Variants in VPS13A observed in about 807,000 individuals in gnomAD.
VPS13A encodes the protein vacuolar protein sorting 13 homolog A, also known as intermembrane lipid transfer protein VPS13A.
In VPS13A, 264 loss-of-function variants were observed where a neutral mutation model predicts 390.9. That is an observed-to-expected ratio of 0.68 (90% confidence interval 0.61 to 0.75). The LOEUF (loss-of-function observed/expected upper bound fraction) is 0.75. Among genes scored for constraint, VPS13A ranks in the 30% least tolerant of loss-of-function variants. VPS13A has a pLI of 0.00. For missense variants in VPS13A, 3,409 were observed against 3,733.9 expected (o/e 0.91, Z 2.27); for synonymous variants, 1,231 against 1,227.1 (o/e 1.00, Z -0.07).
At position 77,321,587 on chromosome 9, in the gene VPS13A, T is replaced by G. The variant is rs1050899213; in HGVS notation, c.5671T>G (p.Ser1891Ala). The change falls in exon 44 of 72, where the codon TCG becomes GCG. Residue 1891 changes from serine to alanine, a missense_variant. Physicochemically the swap from Ser to Ala is moderately conservative, Grantham distance 99 (BLOSUM62 1). Around this residue, in one of 5 missense-constraint regions of VPS13A, gnomAD observed 2,717 missense variants for 2,917.4 expected, o/e 0.93. Transcript: ENST00000360280. ...TTCCCTTGGACTTACTATTTCTGTT[T>G]CGCCAAGTGATTCTTTTAGTGTACT... ...LNSLGLTISVSPSDSFSVLNI... is the reference protein window; with the variant it reads ...LNSLGLTISVAPSDSFSVLNI... The G allele has an allele frequency of 1.2e-6, 2 of 1,613,370 alleles. No homozygotes were observed. Among genetic ancestry groups the G allele is most frequent in the African/African-American group, 1.3e-5 (1 of 74,892 alleles).
intron 17 of VPS13A, among the ~76,000 whole-genome samples, chr9:77,231,812 A>G (rs1408807335): frequency 6.6e-6 from 1 of 152,148 alleles, no homozygotes; most frequent in Non-Finnish European, 1.5e-5. Flanking sequence ...GTCTTATCTC[A>G]GAAGGTTCAC....
chr9:77,394,022 C>G (rs866678511), intron 68 of VPS13A, among the ~76,000 whole-genome samples: 1 of 151,910 alleles, frequency 6.6e-6, no homozygotes, highest in African/African-American at 2.4e-5. Flanking sequence ...CCCACCTCGG[C>G]GTCCCAAAGT....
chr9:77,403,246 A>T lies in VPS13A; in HGVS notation c.9200A>T (p.Asn3067Ile). The T allele has an allele frequency of 6.2e-7, 1 of 1,611,850 alleles. No individual in the cohort carries two copies. Among genetic ancestry groups the T allele is most frequent in the Non-Finnish European group, 8.5e-7 (1 of 1,179,148 alleles). The change falls in exon 69 of 72, where the codon AAT becomes ATT. Residue 3067 changes from asparagine (N) to isoleucine (I), a missense_variant. Transcript: ENST00000360280. ...ACTTTTTTCTTTTAGGTCATGGAAA[A>T]TGGAAGATTTGCAAAATACAAATAT... is the stretch of plus-strand genomic sequence containing the variant. ...TGNQMLQVME[N>I]GRFAKYKYFT...
chr9:77,280,430 C>T (rs1429605477), intron 27 of VPS13A, among the ~76,000 whole-genome samples, 192 bp downstream of exon 27: 3 of 151,716 alleles, frequency 2.0e-5, no homozygotes, highest in South Asian at 2.1e-4. Flanking sequence ...CTTCATATAG[C>T]AAAATAAGAA....
In VPS13A at chr9:77,306,401, A is replaced by AGAGAGAGTGTGTGTGT. The variant is rs550279922; in HGVS notation, c.3961-1543_3961-1542insAGAGAGTGTGTGTGTG. ...GGGTTCTCCAGAGAGAGAGAGAGAG[A>AGAGAGAGTGTGTGTGT]GTGTGTGTGTGTTTGTGTGTGTGTG... On this transcript the variant is annotated intron_variant, in intron 34 of 71. Transcript: ENST00000360280. Among the ~76,000 whole-genome samples the AGAGAGAGTGTGTGTGT allele has an allele frequency of 1.4e-3, 149 of 107,778 alleles. 1 individual carries two copies. The highest frequency in any genetic ancestry group is 5.0e-3 in the African/African-American group (143 of 28,636). The allele number at this position is 107,778 out of a possible 152,430, so 70.7% of individuals were successfully genotyped here. A position where few individuals can be genotyped will look rare whatever the true frequency, so the allele number is the denominator to read the frequency against.
intron 71 of VPS13A, among the ~76,000 whole-genome samples, chr9:77,415,333 C>G (rs1835129504): frequency 1.3e-5 from 2 of 152,154 alleles, no homozygotes; most frequent in Admixed American, 1.3e-4. Flanking sequence ...TAGGGCTATT[C>G]TTACTAGGCT....
intron 41 of VPS13A, among the ~76,000 whole-genome samples, 199 bp from the exon 42 acceptor site, chr9:77,319,373 G>T (rs1032599840): frequency 6.6e-6 from 1 of 151,896 alleles, no homozygotes; most frequent in Non-Finnish European, 1.5e-5. Flanking sequence ...CTTAAAAAGG[G>T]GTTTTATCTG....
At chr9:77,313,880 A>C in intron 35 of VPS13A, 112 bp from the exon 36 acceptor site, 2 of 1,167,246 alleles carry the variant, frequency 1.7e-6, no homozygotes. Flanking sequence ...ATTTTCTTGA[A>C]TGTCATTTTA....
At chr9:77,207,571 GT>G (rs986807605) in intron 5 of VPS13A, among the ~76,000 whole-genome samples, 14 of 151,828 alleles carry the variant, frequency 9.2e-5, no homozygotes, top group African/African-American at 3.4e-4. Flanking sequence ...AAGTATGACT[GT>G]TTATTTTGTA....
At chr9:77,310,951 A>T (rs188872354) in intron 35 of VPS13A, among the ~76,000 whole-genome samples, 3,454 of 151,238 alleles carry the variant, frequency 0.023, 106 homozygotes, top group East Asian at 0.12. Flanking sequence ...TTTGAGACAG[A>T]GTCTCGCTAT....
At chr9:77,258,043 A>T (rs935332972) in intron 22 of VPS13A, among the ~76,000 whole-genome samples, 8 of 152,216 alleles carry the variant, frequency 5.3e-5, no homozygotes, top group African/African-American at 1.9e-4. Context: ...TGTTAGCTGA[A>T]GCTATGTGCC....
intron 68 of VPS13A, among the ~76,000 whole-genome samples, chr9:77,399,193 A>AT (rs1834262923): frequency 1.4e-5 from 2 of 144,072 alleles, no homozygotes; most frequent in African/African-American, 2.6e-5. Context: ...AAAAAAAAAA[A>AT]AAAAAAAAAA....
intron 1 of VPS13A, among the ~76,000 whole-genome samples, chr9:77,182,260 AT>A (rs1824067928): frequency 6.6e-6 from 1 of 151,940 alleles, no homozygotes; most frequent in Admixed American, 6.6e-5. Context: ...TGCATGGCTA[AT>A]TTTTGTATTT....
At chr9:77,341,910 C>T (rs974945059) in intron 50 of VPS13A, among the ~76,000 whole-genome samples, 6 of 151,504 alleles carry the variant, frequency 4.0e-5, no homozygotes, top group Non-Finnish European at 7.4e-5. Flanking sequence ...ATGTAGTTTA[C>T]GTTTTAGTGG....
chr9:77,230,295 C>A (rs895621133), intron 17 of VPS13A, among the ~76,000 whole-genome samples: 1 of 151,890 alleles, frequency 6.6e-6, no homozygotes, highest in African/African-American at 2.4e-5. Context: ...ACTCAGAAAT[C>A]TTTGCCTACT....
rs962202654 is a variant in VPS13A at position 77,186,360 on chromosome 9, T to C, written c.100+8556T>C. 2.0e-5 allele frequency among the ~76,000 whole-genome samples: 3 copies of C among 152,222 alleles called. No homozygotes were observed. In the South Asian group the frequency reaches 6.2e-4, roughly 31 times the overall value. On this transcript the variant is annotated intron_variant, in intron 1 of 71. Coordinates refer to ENST00000360280, the MANE Select transcript of VPS13A (RefSeq NM_033305.3). ...AAAGACTTAATTTACCTTCATCTCTTAATTCTCTAATGCTCCTGTGAATCT... is the reference window on the plus strand; with the variant it reads ...AAAGACTTAATTTACCTTCATCTCTCAATTCTCTAATGCTCCTGTGAATCT...
chr9:77,318,626 G>A, intron 41 of VPS13A, 35 bp downstream of exon 41: 1 of 1,428,700 alleles, frequency 7.0e-7, no homozygotes, highest in Non-Finnish European at 9.9e-7. Flanking sequence ...AACAGATAAT[G>A]ATACGTATGG....
rs113911974 is a variant in VPS13A at position 77,231,452 on chromosome 9, T to G, written c.1595+3188T>G. Among the ~76,000 whole-genome samples, 276 of 152,278 alleles carry G rather than the reference T, an allele frequency of 1.8e-3. 1 individual carries two copies. The highest frequency in any genetic ancestry group is 6.2e-3 in the African/African-American group (259 of 41,574). On this transcript the variant is annotated intron_variant, in intron 17 of 71. Coordinates refer to ENST00000360280, the MANE Select transcript of VPS13A (RefSeq NM_033305.3). Reference sequence around the variant, plus strand: ...TCCCAACACTTGTTATTTTGTTTTTTTATTTTAAATTATAGCCATCCTTAT... The same window carrying G: ...TCCCAACACTTGTTATTTTGTTTTTGTATTTTAAATTATAGCCATCCTTAT...
intron 64 of VPS13A, 41 bp from the exon 65 acceptor site, chr9:77,370,374 G>C (rs1563967080): frequency 1.9e-6 from 3 of 1,614,146 alleles, no homozygotes; most frequent in Non-Finnish European, 2.5e-6. Flanking sequence ...GTGCTAGAAA[G>C]TAATGGCATC....
Sources: gnomAD v4.1 joint callset for allele counts (sites outside exome capture counted in the v4.1 genomes callset) on GRCh38, gnomAD v4.1.1 for gene constraint, gnomAD v4.1.1 regional missense constraint, MANE v1.5 for transcripts, NCBI Gene and HGNC (gene_info 2026-07-23, HGNC 2026-07-21) for gene names.